SEC23IP: variants seen among roughly 807,000 people sequenced by gnomAD.
SEC23IP encodes the protein SEC23-interacting protein.
A neutral mutation model predicts 113.4 loss-of-function variants in SEC23IP; 70 were observed. The observed-to-expected ratio is 0.62, with a 90% CI of 0.51 to 0.75. The LOEUF (loss-of-function observed/expected upper bound fraction) is 0.75, where lower values mean the gene tolerates loss of function less well. Ranked by LOEUF, SEC23IP falls within the 30% of genes least tolerant of loss-of-function variation. The pLI is 0.00. For missense variants in SEC23IP, 1,160 were observed against 1,204.9 expected (o/e 0.96, Z 0.55); for synonymous variants, 398 against 421.0 (o/e 0.95, Z 0.67).
At chr10:119,935,146 C>T (rs1855731509) in intron 18 of SEC23IP, among the ~76,000 whole-genome samples, 1 of 152,110 alleles carries the variant, frequency 6.6e-6, no homozygotes, top group Non-Finnish European at 1.5e-5. Flanking sequence ...ATCACACACA[C>T]TTTTAAGTTT....
chr10:119,893,015 C>T (rs1854143883), intron 1 of SEC23IP, 70 bp downstream of exon 1: 3 of 1,516,946 alleles, frequency 2.0e-6, no homozygotes, highest in East Asian at 4.6e-5. Context: ...AAAGGTCAGA[C>T]GGGAGTTTTT....
At chr10:119,936,443 C>T (rs985658340) in intron 18 of SEC23IP, among the ~76,000 whole-genome samples, 5 of 149,704 alleles carry the variant, frequency 3.3e-5, no homozygotes, top group African/African-American at 7.4e-5. Context: ...CTTGGGAGGC[C>T]GAGGCAGGAG....
At chr10:119,901,907 G>A (rs558231459) in intron 2 of SEC23IP, among the ~76,000 whole-genome samples, 79 of 152,078 alleles carry the variant, frequency 5.2e-4, no homozygotes, top group African/African-American at 1.8e-3. Context: ...GGCTTGTCTC[G>A]AACTCCTGAC....
At chr10:119,936,298 G>T (rs993162685) in intron 18 of SEC23IP, among the ~76,000 whole-genome samples, 1 of 152,052 alleles carries the variant, frequency 6.6e-6, no homozygotes, top group African/African-American at 2.4e-5. Flanking sequence ...GGTGGCTCAT[G>T]CCTGTAATCC....
In SEC23IP at chr10:119,942,006, C is replaced by T. The variant is rs775343020; in HGVS notation, c.*1441C>T. ...GGGATGGAATATGGTTTTCTTGATT[C>T]CCTTTCAGCCTTCATTTCTCTCTCT... On this transcript the variant is annotated 3_prime_UTR_variant, in exon 19 of 19. Coordinates refer to ENST00000369075, the MANE Select transcript of SEC23IP (RefSeq NM_007190.4). 6.6e-6 allele frequency: 1 copy of T among 152,154 alleles called. No individual in the cohort carries two copies. The highest frequency in any genetic ancestry group is 1.5e-5 in the Non-Finnish European group (1 of 68,026). 9.4% of individuals were successfully genotyped at this position (152,154 alleles called of 1,614,324 possible).
chr10:119,909,721 T>G (rs1029358226), intron 5 of SEC23IP, among the ~76,000 whole-genome samples: 4 of 152,030 alleles, frequency 2.6e-5, no homozygotes, highest in Non-Finnish European at 4.4e-5. Context: ...ACAAAGAGAC[T>G]CTGTCTCTAC....
chr10:119,910,710 G>A (rs1034414579), intron 5 of SEC23IP, among the ~76,000 whole-genome samples: 1 of 151,832 alleles, frequency 6.6e-6, no homozygotes, highest in Non-Finnish European at 1.5e-5. Context: ...AAGAAATAAG[G>A]TCTCACTCCC....
At chr10:119,920,727 C>T (rs1309874327) in intron 11 of SEC23IP, among the ~76,000 whole-genome samples, 162 bp from the exon 12 acceptor site, 2 of 152,162 alleles carry the variant, frequency 1.3e-5, no homozygotes, top group Non-Finnish European at 1.5e-5. Context: ...GATTTTATAG[C>T]CTAAACTGAT....
intron 10 of SEC23IP, among the ~76,000 whole-genome samples, chr10:119,918,916 T>G (rs1296654764): frequency 6.6e-6 from 1 of 152,192 alleles, no homozygotes; most frequent in Non-Finnish European, 1.5e-5. Context: ...TGTGAAAGTT[T>G]GTGATTTTTA....
chr10:119,906,992 G>A (rs951013349), intron 4 of SEC23IP, among the ~76,000 whole-genome samples: 1 of 151,516 alleles, frequency 6.6e-6, no homozygotes, highest in Non-Finnish European at 1.5e-5. Context: ...AATCGAAGAG[G>A]AGGGTCAGAA....
chr10:119,902,718 A>G (rs749993293), intron 2 of SEC23IP, 81 bp from the exon 3 acceptor site: 196 of 1,077,706 alleles, frequency 1.8e-4, no homozygotes, highest in Non-Finnish European at 2.6e-4. Context: ...AGGATAATCT[A>G]CTAACATCAG....
At chr10:119,903,488 A>G (rs2134461182) in intron 3 of SEC23IP, among the ~76,000 whole-genome samples, 1 of 152,264 alleles carries the variant, frequency 6.6e-6, no homozygotes, top group South Asian at 2.1e-4. Flanking sequence ...TTCTTTGTTT[A>G]TCCTGATATA....
Position 119,912,165 on chromosome 10 carries a change from G to C in SEC23IP, c.1312+1G>C. 6.2e-7 allele frequency: 1 copy of C among 1,613,914 alleles called. No individual in the cohort carries two copies. Among genetic ancestry groups the C allele is most frequent in the Non-Finnish European group, 8.5e-7 (1 of 1,179,872 alleles). ...GATAACCTTGATGAAATTCCCGACG[G>C]TGTGTATAGTTTGTTTAGAACTGAG... is the stretch of plus-strand genomic sequence containing the variant. On this transcript the variant is annotated splice_donor_variant, in intron 6 of 18. Coordinates refer to ENST00000369075, the MANE Select transcript of SEC23IP (RefSeq NM_007190.4). LOFTEE classifies it high-confidence loss of function.
intron 6 of SEC23IP, among the ~76,000 whole-genome samples, 188 bp downstream of exon 6, chr10:119,912,352 C>G (rs771077627): frequency 3.3e-5 from 5 of 152,054 alleles, no homozygotes; most frequent in African/African-American, 1.2e-4. Context: ...AGACTTTTCT[C>G]GAACTCCTGA....
chr10:119,917,874 TTC>T lies in SEC23IP; in HGVS notation c.1584_1585del (p.Phe528LeufsTer6), dbSNP rs768908659. On this transcript the variant is annotated frameshift_variant, in exon 9 of 19. Transcript: ENST00000369075. LOFTEE classifies it high-confidence loss of function. The stretch of plus-strand genomic sequence containing the variant: ...ATCACTTTGCCAAGTATTGGTCGAT[TTC>T]GTCACTTTACCAATGAAACTTTGCT... 10 of 1,613,970 alleles carry T rather than the reference TTC, an allele frequency of 6.2e-6. No individual in the cohort carries two copies. Among genetic ancestry groups the T allele is most frequent in the Non-Finnish European group, 7.6e-6 (9 of 1,179,980 alleles).
rs199535211 is a variant in SEC23IP, at chr10:119,898,843, C to T, written c.580C>T (p.Pro194Ser). The change falls in exon 2 of 19, where the codon CCT (proline) becomes TCT (serine). Residue 194 changes from proline (P) to serine (S), a missense_variant. By Grantham distance (74) the Pro-to-Ser change is moderately conservative (BLOSUM62 -1). Coordinates refer to ENST00000369075, the MANE Select transcript of SEC23IP (RefSeq NM_007190.4). Reference protein sequence around the residue: ...RHTPGSSRANPYIAPPQLQQC... With the variant: ...RHTPGSSRANSYIAPPQLQQC... Reference sequence around the variant, plus strand: ...TACCCCTGGCAGCAGCAGGGCTAATCCTTACATTGCACCACCCCAGCTGCA... The same window carrying T: ...TACCCCTGGCAGCAGCAGGGCTAATTCTTACATTGCACCACCCCAGCTGCA... 1.8e-5 allele frequency: 29 copies of T among 1,613,192 alleles called. No homozygotes were observed. In the East Asian group the frequency reaches 5.8e-4, roughly 32 times the overall value.
intron 16 of SEC23IP, 35 bp from the exon 17 acceptor site, chr10:119,932,970 G>C: frequency 6.3e-7 from 1 of 1,584,178 alleles, no homozygotes; most frequent in Non-Finnish European, 8.7e-7. Flanking sequence ...AAGATTAAGT[G>C]ATTGACTTTG....
In SEC23IP at chr10:119,919,511, T is replaced by C. The variant is rs1855172260; in HGVS notation, c.1940T>C (p.Leu647Pro). ...YDLVVENKEV[L>P]TLQETLEALS... ...CTTGTTGTTGAAAATAAAGAAGTCC[T>C]AACTTTGCAAGAAACTCTGGAAGCA... Residue 647 changes from leucine (L) to proline (P), a missense_variant, in exon 11 of 19, where the codon CTA becomes CCA. Coordinates refer to ENST00000369075, the MANE Select transcript of SEC23IP (RefSeq NM_007190.4). The C allele has an allele frequency of 6.2e-7, 1 of 1,613,570 alleles. No individual in the cohort carries two copies. The highest frequency in any genetic ancestry group is 1.1e-5 in the South Asian group (1 of 91,032).
intron 18 of SEC23IP, among the ~76,000 whole-genome samples, chr10:119,935,390 G>A (rs1290175955): frequency 6.6e-6 from 1 of 152,148 alleles, no homozygotes. Context: ...GAACCCAGGA[G>A]TTGGAGGTTG....
Sources: gnomAD v4.1 joint callset for allele counts (sites outside exome capture counted in the v4.1 genomes callset) on GRCh38, gnomAD v4.1.1 for gene constraint, MANE v1.5 for transcripts, NCBI Gene and HGNC (gene_info 2026-07-23, HGNC 2026-07-21) for gene names.